The following GLDN variants were observed in gnomAD, a reference collection of about 807,000 sequenced individuals.
GLDN encodes gliomedin, also known as collomin.
GLDN carries 47 observed loss-of-function variants against 56.5 expected under a neutral mutation model. The ratio of observed to expected loss-of-function variants is 0.83; its 90% CI spans 0.66 to 1.06. The LOEUF is 1.06. Ranked by LOEUF, GLDN falls within the 50% of genes least tolerant of loss-of-function variation. The pLI, the probability that GLDN is intolerant of heterozygous loss-of-function variation, is 0.00. For synonymous variants in GLDN, 332 were observed against 278.8 expected (o/e 1.19, Z -1.90); for missense variants, 782 against 714.3 (o/e 1.09, Z -1.08).
intron 9 of GLDN, among the ~76,000 whole-genome samples, chr15:51,402,020 G>A (rs915013128): frequency 1.3e-5 from 2 of 152,208 alleles, no homozygotes; most frequent in South Asian, 2.1e-4. Context: ...GGTGACGGCC[G>A]CAGCTTCCCC....
chr15:51,346,044 A>G (rs1195494206), intron 1 of GLDN, among the ~76,000 whole-genome samples: 1 of 152,244 alleles, frequency 6.6e-6, no homozygotes, highest in Non-Finnish European at 1.5e-5. Flanking sequence ...CTCTTGTAGA[A>G]CAGAAAATAT....
chr15:51,375,929 C>T (rs1349267404), intron 1 of GLDN, among the ~76,000 whole-genome samples: 1 of 152,180 alleles, frequency 6.6e-6, no homozygotes, highest in African/African-American at 2.4e-5. Flanking sequence ...GCTGTGGGGG[C>T]TGGCTCATTA....
intron 1 of GLDN, among the ~76,000 whole-genome samples, chr15:51,348,160 C>A (rs2037011225): frequency 6.6e-6 from 1 of 152,040 alleles, no homozygotes; most frequent in South Asian, 2.1e-4. Flanking sequence ...TGCTCCTAGG[C>A]CAGGGAGCAA....
intron 1 of GLDN, among the ~76,000 whole-genome samples, chr15:51,352,888 C>A (rs1003693375): frequency 2.0e-5 from 3 of 152,070 alleles, no homozygotes; most frequent in African/African-American, 7.3e-5. Context: ...ATCAGCCCCT[C>A]CCCAAAATGA....
intron 1 of GLDN, among the ~76,000 whole-genome samples, chr15:51,357,360 G>A (rs74016726): frequency 0.035 from 5,338 of 152,264 alleles, 330 homozygotes; most frequent in African/African-American, 0.12. Context: ...AAGACTTCTC[G>A]TCTCATTTCT....
chr15:51,349,733 C>T (rs1434644094), intron 1 of GLDN, among the ~76,000 whole-genome samples: 1 of 149,990 alleles, frequency 6.7e-6, no homozygotes, highest in Non-Finnish European at 1.5e-5. Flanking sequence ...TGGAACGGCA[C>T]TAGGGCTGAT....
chr15:51,376,202 A>G (rs180744806), intron 1 of GLDN, among the ~76,000 whole-genome samples: 1 of 152,384 alleles, frequency 6.6e-6, no homozygotes, highest in East Asian at 1.9e-4. Context: ...TAGATGCCAT[A>G]GCCTACAACA....
intron 1 of GLDN, 59 bp downstream of exon 1, chr15:51,342,106 G>C: frequency 6.3e-7 from 1 of 1,578,956 alleles, no homozygotes; most frequent in Non-Finnish European, 8.5e-7. Context: ...GGGGGTGTGG[G>C]GCGAGGACGC....
intron 2 of GLDN, among the ~76,000 whole-genome samples, chr15:51,379,933 G>T (rs2037720011): frequency 6.6e-6 from 1 of 152,164 alleles, no homozygotes; most frequent in Non-Finnish European, 1.5e-5. Flanking sequence ...ATGAAGCATA[G>T]AATACTTATG....
chr15:51,391,372 A>G (rs2038016860), intron 4 of GLDN, among the ~76,000 whole-genome samples: 1 of 152,252 alleles, frequency 6.6e-6, no homozygotes, highest in Non-Finnish European at 1.5e-5. Flanking sequence ...GCTGTTTGTG[A>G]CTAGAATAAA....
At position 51,341,729 on chromosome 15, in the gene GLDN, C is replaced by A; in HGVS notation, c.45C>A (p.Gly15=). The A allele has an allele frequency of 1.4e-6, 2 of 1,452,242 alleles. No individual in the cohort carries two copies. The highest frequency in any genetic ancestry group is 1.5e-5 in the African/African-American group (1 of 67,434). 90.0% of individuals were successfully genotyped at this position (1,452,242 alleles called of 1,614,324 possible). The change falls in exon 1 of 10, where the codon GGC becomes GGA. Residue 15 remains glycine (G), a synonymous_variant. Coordinates refer to ENST00000335449, the MANE Select transcript of GLDN (RefSeq NM_181789.4). ...AEGGRGDAGW[G]LRGALAAVAL... is the part of the protein sequence containing the mutation. ...GAGGCCGTGGGGACGCGGGTTGGGGCCTGCGTGGCGCCCTGGCGGCCGTGG... is the reference window on the plus strand; with the variant it reads ...GAGGCCGTGGGGACGCGGGTTGGGGACTGCGTGGCGCCCTGGCGGCCGTGG...
intron 1 of GLDN, among the ~76,000 whole-genome samples, chr15:51,357,740 A>G (rs951025622): frequency 2.0e-5 from 3 of 152,228 alleles, no homozygotes; most frequent in Non-Finnish European, 2.9e-5. Flanking sequence ...CCGCCCATGC[A>G]TGCATTCCAT....
In GLDN at chr15:51,404,460, G is replaced by C. The variant is rs780472578; in HGVS notation, c.1362G>C (p.Glu454Asp). 21 of 1,614,048 alleles carry C rather than the reference G, an allele frequency of 1.3e-5. No homozygotes were observed. Among genetic ancestry groups the C allele is most frequent in the Non-Finnish European group, 1.5e-5 (18 of 1,180,036 alleles). Residue 454 changes from glutamate to aspartate, a missense_variant, in exon 10 of 10, where the codon GAG becomes GAC. Glu to Asp is a conservative substitution (Grantham distance 45, BLOSUM62 2). Transcript: ENST00000335449. ...GSSILVAQLD[E>D]RTFSVVQHVN... ...GCATTCTTGTAGCACAACTGGATGA[G>C]AGGACATTCTCAGTGGTGCAACACG...
At chr15:51,403,471 G>T (rs1269425219) in intron 9 of GLDN, among the ~76,000 whole-genome samples, 1 of 152,184 alleles carries the variant, frequency 6.6e-6, no homozygotes, top group African/African-American at 2.4e-5. Flanking sequence ...ACCCTCTGGT[G>T]TTTTCTTTTA....
intron 5 of GLDN, 125 bp downstream of exon 5, chr15:51,395,106 A>G (rs1005092007): frequency 2.0e-6 from 2 of 1,009,692 alleles, no homozygotes; most frequent in African/African-American, 3.3e-5. Context: ...TCTGTTTTGC[A>G]GCATGTTTTG....
chr15:51,386,621 T>A (rs1052492161), intron 4 of GLDN, among the ~76,000 whole-genome samples: 12 of 152,110 alleles, frequency 7.9e-5, no homozygotes, highest in African/African-American at 2.7e-4. Flanking sequence ...GGCTGCTGCA[T>A]GGAGAGCGCA....
chr15:51,393,832 C>A (rs1177082532), intron 4 of GLDN, among the ~76,000 whole-genome samples: 1 of 152,236 alleles, frequency 6.6e-6, no homozygotes, highest in Non-Finnish European at 1.5e-5. Context: ...TGGTTTCTAG[C>A]AATGTGCGGA....
intron 1 of GLDN, among the ~76,000 whole-genome samples, chr15:51,368,859 T>A (rs2037458834): frequency 6.6e-6 from 1 of 152,200 alleles, no homozygotes; most frequent in South Asian, 2.1e-4. Flanking sequence ...GATGAAAAGC[T>A]TACTGAGTGT....
chr15:51,408,400 G>T (rs575796625), downstream of GLDN, among the ~76,000 whole-genome samples: 15 of 152,190 alleles, frequency 9.9e-5, no homozygotes, highest in East Asian at 2.9e-3. Context: ...TATAAAACAT[G>T]TCTAAAAAAA....
Sources: allele counts gnomAD v4.1 joint callset (sites outside exome capture counted in the v4.1 genomes callset), GRCh38; gene constraint gnomAD v4.1.1; transcripts MANE v1.5; gene names NCBI Gene and HGNC (gene_info 2026-07-23, HGNC 2026-07-21).